NFATC2: variants seen among roughly 807,000 people sequenced by gnomAD.
The protein encoded by NFATC2 is nuclear factor of activated T-cells, cytoplasmic 2.
In NFATC2, 22 loss-of-function variants were observed where a neutral mutation model predicts 87.3. That is an observed-to-expected ratio of 0.25 (90% confidence interval 0.18 to 0.36). The LOEUF is 0.36. Ranked by LOEUF, NFATC2 falls within the 10% of genes least tolerant of loss-of-function variation. NFATC2 has a pLI of 1.00. For missense variants in NFATC2, 1,149 were observed against 1,259.1 expected (o/e 0.91, Z 1.32); for synonymous variants, 565 against 542.2 (o/e 1.04, Z -0.58).
intron 9 of NFATC2, among the ~76,000 whole-genome samples, chr20:51,408,605 T>C (rs1250576334): frequency 2.0e-5 from 3 of 150,432 alleles, no homozygotes; most frequent in African/African-American, 4.9e-5. Flanking sequence ...ATCTTCTGAA[T>C]AGATGGTTGG....
At chr20:51,501,078 A>G (rs1394490380) in intron 3 of NFATC2, among the ~76,000 whole-genome samples, 2 of 151,556 alleles carry the variant, frequency 1.3e-5, no homozygotes, top group African/African-American at 4.9e-5. Context: ...ACTCAAACAC[A>G]GATGGTTTTT....
chr20:51,484,730 C>A (rs1435158089), intron 3 of NFATC2, among the ~76,000 whole-genome samples: 1 of 152,220 alleles, frequency 6.6e-6, no homozygotes, highest in Non-Finnish European at 1.5e-5. Context: ...GGTGTGGGCA[C>A]GACTCAGCTG....
chr20:51,550,680 TA>T (rs1292324577), intron 1 of NFATC2, among the ~76,000 whole-genome samples: 2 of 152,174 alleles, frequency 1.3e-5, no homozygotes, highest in Non-Finnish European at 2.9e-5. Context: ...TAGCCTACCT[TA>T]AACATGCTCA....
chr20:51,550,723 T>G (rs1393418080), intron 1 of NFATC2, among the ~76,000 whole-genome samples: 1 of 152,204 alleles, frequency 6.6e-6, no homozygotes, highest in Non-Finnish European at 1.5e-5. Flanking sequence ...CAATTGATTT[T>G]AGGCAAAATA....
upstream of NFATC2, among the ~76,000 whole-genome samples, chr20:51,546,391 AAAAT>A (rs139896709): frequency 0.018 from 2,762 of 152,250 alleles, 78 homozygotes; most frequent in South Asian, 0.1. Context: ...TTTCAATTCA[AAAAT>A]AAATAATCTG....
chr20:51,439,579 G>A (rs1984039435), intron 6 of NFATC2, among the ~76,000 whole-genome samples: 1 of 152,222 alleles, frequency 6.6e-6, no homozygotes, highest in African/African-American at 2.4e-5. Flanking sequence ...AGCCTGGTAA[G>A]TGTGGGTCAC....
chr20:51,431,820 G>A (rs1403500040), intron 9 of NFATC2, among the ~76,000 whole-genome samples: 2 of 152,034 alleles, frequency 1.3e-5, no homozygotes, highest in African/African-American at 4.8e-5. Context: ...TTTTTCTATG[G>A]GGGCGATTCT....
rs534527650 is a variant in NFATC2 at position 51,540,561 on chromosome 20, G to A, written c.130+1809C>T. On this transcript the variant is annotated intron_variant, in intron 1 of 10. Coordinates refer to ENST00000371564, the MANE Select transcript of NFATC2 (RefSeq NM_012340.5). The stretch of plus-strand genomic sequence containing the variant: ...TACTAATGTAAAACATTAATAACAC[G>A]GGGAAACAGGGTATTGGGTATATGG... 1.1e-4 allele frequency among the ~76,000 whole-genome samples: 16 copies of A among 151,858 alleles called. No individual in the cohort carries two copies. In the East Asian group the frequency reaches 1.9e-3, roughly 18 times the overall value.
At chr20:51,398,806 A>G (rs1987637750) in intron 9 of NFATC2, 76 bp from the exon 10 acceptor site, 1 of 1,002,960 alleles carries the variant, frequency 1.0e-6, no homozygotes, top group South Asian at 1.3e-5. Flanking sequence ...CTTCCAACTC[A>G]TGCCGATATC....
At chr20:51,507,072 A>G (rs1001015855) in intron 3 of NFATC2, among the ~76,000 whole-genome samples, 1 of 152,192 alleles carries the variant, frequency 6.6e-6, no homozygotes, top group African/African-American at 2.4e-5. Flanking sequence ...GGCTCAGCCC[A>G]TGTGCTCATT....
intron 10 of NFATC2, among the ~76,000 whole-genome samples, chr20:51,398,143 C>CT (rs888902856): frequency 2.0e-5 from 3 of 151,914 alleles, no homozygotes; most frequent in African/African-American, 7.3e-5. Flanking sequence ...ACAAGGAAGC[C>CT]CCCCGGGAGG....
chr20:51,519,698 G>C, intron 2 of NFATC2, among the ~76,000 whole-genome samples: 1 of 147,638 alleles, frequency 6.8e-6, no homozygotes, highest in South Asian at 2.2e-4. Context: ...GGCAGATGAC[G>C]AGGTCAGGAG....
At chr20:51,431,792 C>G (rs916769311) in intron 9 of NFATC2, among the ~76,000 whole-genome samples, 4 of 151,586 alleles carry the variant, frequency 2.6e-5, no homozygotes, top group East Asian at 3.9e-4. Flanking sequence ...CAGGGGATGC[C>G]GGGTTGCCCT....
intron 3 of NFATC2, among the ~76,000 whole-genome samples, chr20:51,510,782 C>T (rs750666721): frequency 2.6e-5 from 4 of 152,168 alleles, no homozygotes; most frequent in Non-Finnish European, 5.9e-5. Flanking sequence ...CCACCACACT[C>T]ACCTGAGATT....
chr20:51,542,742 G>A (rs1446744583), upstream of NFATC2: 24 of 811,200 alleles, frequency 3.0e-5, no homozygotes, highest in Non-Finnish European at 3.3e-5. Flanking sequence ...GTTGCAGCCC[G>A]GGGAGGCGGG....
intron 3 of NFATC2, among the ~76,000 whole-genome samples, chr20:51,483,912 C>T (rs1989490156): frequency 6.6e-6 from 1 of 151,984 alleles, no homozygotes; most frequent in Non-Finnish European, 1.5e-5. Context: ...CACCTACACA[C>T]AGTCTTCTTC....
At chr20:51,431,237 A>G (rs1376922744) in intron 9 of NFATC2, among the ~76,000 whole-genome samples, 1 of 152,232 alleles carries the variant, frequency 6.6e-6, no homozygotes, top group East Asian at 1.9e-4. Flanking sequence ...GGAGCCCCCA[A>G]GGCAAGGCTG....
intron 1 of NFATC2, among the ~76,000 whole-genome samples, chr20:51,525,388 A>G (rs1333137679): frequency 6.6e-6 from 1 of 152,140 alleles, no homozygotes; most frequent in Non-Finnish European, 1.5e-5. Flanking sequence ...ACCCAAGGAC[A>G]CTGCCACCCA....
chr20:51,454,179 A>G (rs1410292160), intron 6 of NFATC2, among the ~76,000 whole-genome samples: 2 of 152,210 alleles, frequency 1.3e-5, no homozygotes, highest in Non-Finnish European at 2.9e-5. Flanking sequence ...ATTTGAACCC[A>G]AGATATCCAG....
Sources: gnomAD v4.1 joint callset for allele counts (sites outside exome capture counted in the v4.1 genomes callset) on GRCh38, gnomAD v4.1.1 for gene constraint, MANE v1.5 for transcripts, NCBI Gene and HGNC (gene_info 2026-07-23, HGNC 2026-07-21) for gene names.